The following ASTN2 variants were observed in gnomAD, a reference collection of about 807,000 sequenced individuals.
The protein encoded by ASTN2 is astrotactin 2.
A neutral mutation model predicts 139.8 loss-of-function variants in ASTN2; 54 were observed. The observed-to-expected ratio is 0.39, with a 90% confidence interval of 0.31 to 0.48. The LOEUF (loss-of-function observed/expected upper bound fraction) is 0.48, where lower values mean the gene tolerates loss of function less well. Ranked by LOEUF, ASTN2 falls within the 20% of genes least tolerant of loss-of-function variation. ASTN2 has a pLI of 0.95. For synonymous variants in ASTN2, 756 were observed against 719.5 expected (o/e 1.05, Z -0.81); for missense variants, 1,565 against 1,725.1 (o/e 0.91, Z 1.64).
intron 3 of ASTN2, among the ~76,000 whole-genome samples, chr9:117,196,351 T>G (rs562362819): frequency 1.3e-5 from 2 of 152,272 alleles, no homozygotes; most frequent in Non-Finnish European, 2.9e-5. Context: ...GCCTAATCAA[T>G]CCTTCCATCC....
At chr9:117,194,071 T>C (rs1831424517) in intron 3 of ASTN2, among the ~76,000 whole-genome samples, 1 of 152,176 alleles carries the variant, frequency 6.6e-6, no homozygotes, top group Non-Finnish European at 1.5e-5. Flanking sequence ...GCACATTTCA[T>C]AAGAGCAAAT....
intron 19 of ASTN2, among the ~76,000 whole-genome samples, chr9:116,590,268 G>A (rs1008790184): frequency 5.3e-5 from 8 of 152,220 alleles, no homozygotes; most frequent in Admixed American, 6.5e-5. Context: ...TTCCCCCACA[G>A]GCTCAGAAAT....
At chr9:116,587,082 T>C (rs1854188488) in intron 19 of ASTN2, among the ~76,000 whole-genome samples, 1 of 152,144 alleles carries the variant, frequency 6.6e-6, no homozygotes, top group Non-Finnish European at 1.5e-5. Flanking sequence ...GGCTCTCGCC[T>C]GTAATCCCAA....
chr9:116,502,836 G>T (rs1303568190), intron 19 of ASTN2, among the ~76,000 whole-genome samples: 6 of 146,022 alleles, frequency 4.1e-5, no homozygotes, highest in African/African-American at 1.5e-4. Context: ...AAGGAGGGAG[G>T]GAGAGAGGGA....
chr9:116,453,265 T>C (rs1419559689), intron 20 of ASTN2, among the ~76,000 whole-genome samples: 3 of 152,042 alleles, frequency 2.0e-5, no homozygotes, highest in East Asian at 3.9e-4. Flanking sequence ...ATCTGTAAAA[T>C]GGAGTCAACA....
chr9:116,672,174 G>T (rs950089378), intron 16 of ASTN2, among the ~76,000 whole-genome samples: 1 of 152,086 alleles, frequency 6.6e-6, no homozygotes, highest in Admixed American at 6.6e-5. Context: ...AGGAGTTCAA[G>T]AACAGCCTGG....
At chr9:116,916,229 A>G (rs1254922893) in intron 10 of ASTN2, among the ~76,000 whole-genome samples, 1 of 152,186 alleles carries the variant, frequency 6.6e-6, no homozygotes, top group Admixed American at 6.5e-5. Flanking sequence ...GCCCACCATC[A>G]GTGAAAAGTG....
Position 117,247,367 on chromosome 9 carries a change from C to T in ASTN2, c.631-32625G>A, listed in dbSNP as rs561664516. ...CAGTAGAACAGAAACCTGTCTAAAG[C>T]AGCCCCATCATTGATGAAGTCCCCA... On this transcript the variant is annotated intron_variant, in intron 2 of 22. Coordinates refer to ENST00000313400, the MANE Select transcript of ASTN2 (RefSeq NM_001365068.1). Among the ~76,000 whole-genome samples, 8 of 152,284 alleles carry T rather than the reference C, an allele frequency of 5.3e-5. No individual in the cohort carries two copies. The South Asian group carries it at 1.5e-3, about 28-fold the overall frequency.
chr9:116,511,614 CT>C (rs1329977595), intron 19 of ASTN2, among the ~76,000 whole-genome samples: 1 of 152,138 alleles, frequency 6.6e-6, no homozygotes, highest in African/African-American at 2.4e-5. Context: ...TAGAATTTGG[CT>C]GTGAATCCGT....
chr9:117,016,628 A>ATGT (rs1332810353), intron 6 of ASTN2, among the ~76,000 whole-genome samples: 1 of 8,054 alleles, frequency 1.2e-4, no homozygotes, highest in Non-Finnish European at 4.0e-4. Flanking sequence ...ATCTATCTAT[A>ATGT]TATATATATA....
At position 116,851,731 on chromosome 9, in the gene ASTN2, C is replaced by T. The variant is rs142708591; in HGVS notation, c.2040+11852G>A. ...TACCTAAATAAGGCAACAACAAAAA[C>T]GTGAAGGTCAGTTCCACCACTTCTG... On this transcript the variant is annotated intron_variant, in intron 11 of 22. Coordinates refer to ENST00000313400, the MANE Select transcript of ASTN2 (RefSeq NM_001365068.1). Among the ~76,000 whole-genome samples, 401 of 152,096 alleles carry T rather than the reference C, an allele frequency of 2.6e-3. 1 individual carries two copies. Among genetic ancestry groups the T allele is most frequent in the Non-Finnish European group, 4.2e-3 (287 of 67,994 alleles).
chr9:117,369,643 T>C (rs752959696), intron 1 of ASTN2, among the ~76,000 whole-genome samples: 10 of 152,142 alleles, frequency 6.6e-5, no homozygotes, highest in Non-Finnish European at 1.3e-4. Context: ...GCAGAAACTA[T>C]ATCCTGTTCA....
intron 19 of ASTN2, among the ~76,000 whole-genome samples, chr9:116,541,864 T>C (rs1002115079): frequency 2.7e-4 from 41 of 152,206 alleles, no homozygotes; most frequent in African/African-American, 9.4e-4. Context: ...TTTAAGATAA[T>C]TGTAGATTCA....
chr9:116,801,474 G>C (rs1381770282), intron 13 of ASTN2, among the ~76,000 whole-genome samples: 2 of 151,102 alleles, frequency 1.3e-5, no homozygotes, highest in Non-Finnish European at 2.9e-5. Flanking sequence ...AGCTACTTGG[G>C]AGGCTGAGGC....
chr9:117,335,005 A>G (rs1449933195), intron 1 of ASTN2, among the ~76,000 whole-genome samples: 1 of 152,204 alleles, frequency 6.6e-6, no homozygotes, highest in Non-Finnish European at 1.5e-5. Flanking sequence ...CAGTGAGCAT[A>G]GATCATGCTA....
rs184048175 is a variant in ASTN2, at chr9:117,145,455, C to G, written c.1016-3977G>C. On this transcript the variant is annotated intron_variant, in intron 3 of 22. Transcript: ENST00000313400. ...AGTTGGGTTTGGCCCGTGGGATGCC[C>G]CAGAAAGATATGGGAGGAATTTGAA... Among the ~76,000 whole-genome samples the G allele has an allele frequency of 4.4e-4, 67 of 152,280 alleles. No homozygotes were observed. In the East Asian group the frequency reaches 0.01, roughly 23 times the overall value.
At chr9:117,186,577 T>TA (rs1831206176) in intron 3 of ASTN2, among the ~76,000 whole-genome samples, 2 of 151,588 alleles carry the variant, frequency 1.3e-5, no homozygotes, top group Admixed American at 6.6e-5. Context: ...TAAAATAAAA[T>TA]AAATAAATAA....
intron 5 of ASTN2, among the ~76,000 whole-genome samples, chr9:117,061,356 A>C (rs1220880907): frequency 4.4e-5 from 2 of 45,116 alleles, no homozygotes; most frequent in Non-Finnish European, 1.1e-4. Context: ...ACAAATCATG[A>C]TGTAAGTGCT....
At chr9:116,616,694 C>T (rs1259922198) in intron 19 of ASTN2, among the ~76,000 whole-genome samples, 1 of 152,006 alleles carries the variant, frequency 6.6e-6, no homozygotes, top group Non-Finnish European at 1.5e-5. Flanking sequence ...AAAGTGTAAA[C>T]CCACTGTTGG....
Sources: gnomAD v4.1 joint callset for allele counts (sites outside exome capture counted in the v4.1 genomes callset) on GRCh38, gnomAD v4.1.1 for gene constraint, MANE v1.5 for transcripts, NCBI Gene and HGNC (gene_info 2026-07-23, HGNC 2026-07-21) for gene names.